The following PALS2 variants were observed in gnomAD, a reference collection of about 807,000 sequenced individuals.
The protein encoded by PALS2 is protein associated with LIN7 2, MAGUK p55 family member, also known as protein PALS2.
A neutral mutation model predicts 61.6 loss-of-function variants in PALS2; 27 were observed. That is an observed-to-expected ratio of 0.44 (90% CI 0.32 to 0.60). PALS2 has a LOEUF of 0.60. PALS2 is among the 20% of genes least tolerant of loss of function. The pLI, the probability that PALS2 is intolerant of heterozygous loss-of-function variation, is 0.05. For missense variants in PALS2, 554 were observed against 639.4 expected, an observed-to-expected ratio of 0.87 and a Z score of 1.44; for synonymous variants, 236 against 218.6, an observed-to-expected ratio of 1.08 and a Z score of -0.70.
rs1201505737 is a variant in PALS2, at chr7:24,618,237, C to T, written c.-2-5429C>T. 6.6e-6 allele frequency among the ~76,000 whole-genome samples: 1 copy of T among 152,164 alleles called. No individual in the cohort carries two copies. The highest frequency in any genetic ancestry group is 1.5e-5 in the Non-Finnish European group (1 of 68,034). On this transcript the variant is annotated intron_variant, in intron 1 of 11. Transcript: ENST00000222644. The surrounding 1 kb of genome is among the most constrained non-coding windows in gnomAD (Gnocchi z 5.1). ...AGGGCATACAGTGGTGTGACTGGCT[C>T]AAGGGTGGGTTCTCCCTGGATGTGT...
chr7:24,585,109 T>C (rs983662299), intron 1 of PALS2, among the ~76,000 whole-genome samples: 1 of 152,238 alleles, frequency 6.6e-6, no homozygotes, highest in Non-Finnish European at 1.5e-5. Flanking sequence ...TGCCTCCAGC[T>C]TTGTTCTTTT....
intron 8 of PALS2, among the ~76,000 whole-genome samples, 169 bp from the exon 9 acceptor site, chr7:24,668,330 T>A (rs1004177904): frequency 6.6e-6 from 1 of 152,110 alleles, no homozygotes; most frequent in Non-Finnish European, 1.5e-5. Flanking sequence ...AAAATAATTA[T>A]TATTTATTGT....
At position 24,679,231 on chromosome 7, in the gene PALS2, G is replaced by A. The variant is rs757373247; in HGVS notation, c.1215G>A (p.Leu405=). 6.2e-7 allele frequency: 1 copy of A among 1,613,976 alleles called. No homozygotes were observed. The highest frequency in any genetic ancestry group is 1.7e-5 in the Admixed American group (1 of 60,012). The change falls in exon 10 of 12, where the codon TTG becomes TTA. Residue 405 remains leucine (L), a synonymous_variant. Transcript: ENST00000222644. ...MEADIKAGKY[L]EHGEYEGNLY... ...CAGATATTAAAGCTGGAAAGTATTT[G>A]GAACATGGGGAATATGAAGGAAATC...
At chr7:24,662,738 C>T (rs1436005371) in intron 5 of PALS2, among the ~76,000 whole-genome samples, 2 of 140,458 alleles carry the variant, frequency 1.4e-5, no homozygotes, top group East Asian at 4.0e-4. Context: ...CACTGCACTC[C>T]AGCCTGGGTG....
intron 10 of PALS2, 147 bp downstream of exon 10, chr7:24,679,480 T>C: frequency 1.4e-6 from 1 of 718,220 alleles, no homozygotes; most frequent in Non-Finnish European, 2.3e-6. Flanking sequence ...TAGAGAATGT[T>C]ATTATGTATA....
chr7:24,633,645 ATTTTGGATTTTAGAT>A (rs1785107640), intron 2 of PALS2, among the ~76,000 whole-genome samples: 1 of 151,852 alleles, frequency 6.6e-6, no homozygotes, highest in African/African-American at 2.4e-5. Flanking sequence ...ATTTTGTAGC[ATTTTGGATTTTAGAT>A]TTTTGGATTG....
intron 2 of PALS2, among the ~76,000 whole-genome samples, chr7:24,634,728 G>A (rs1583913197): frequency 6.6e-6 from 1 of 152,014 alleles, no homozygotes; most frequent in South Asian, 2.1e-4. Flanking sequence ...TTTTGTATAC[G>A]ATATTACGTT....
rs544665771 is a variant in PALS2 at position 24,640,986 on chromosome 7, C to T, written c.118-730C>T. On this transcript the variant is annotated intron_variant, in intron 2 of 11. Transcript: ENST00000222644. ...TCGCGCCACTGCACTCCAGCCTGGG[C>T]AACAGTGCGAGACTCCATCTCAAAA... 8.6e-5 allele frequency among the ~76,000 whole-genome samples: 9 copies of T among 104,684 alleles called. No individual in the cohort carries two copies. The South Asian group carries it at 2.8e-3, about 32-fold the overall frequency. The allele number at this position is 104,684 out of a possible 152,430, so 68.7% of individuals were successfully genotyped here. A position where few individuals can be genotyped will look rare whatever the true frequency, so the allele number is the denominator to read the frequency against.
At chr7:24,639,136 A>G (rs1377284564) in intron 2 of PALS2, among the ~76,000 whole-genome samples, 1 of 152,240 alleles carries the variant, frequency 6.6e-6, no homozygotes, top group Admixed American at 6.5e-5. Flanking sequence ...ACTAAATTAG[A>G]CTGACTGAGA....
Position 24,618,996 on chromosome 7 carries a change from A to G in PALS2, c.-2-4670A>G, listed in dbSNP as rs1002298158. Among the ~76,000 whole-genome samples the G allele has an allele frequency of 4.6e-5, 7 of 152,198 alleles. No individual in the cohort carries two copies. Among genetic ancestry groups the G allele is most frequent in the Non-Finnish European group, 8.8e-5 (6 of 68,026 alleles). Reference sequence around the variant, plus strand: ...GATTAGACTAGCCAAGTATTTGTCTATTTAATTGGTCACTTGAAAAAGCCA... The same window carrying G: ...GATTAGACTAGCCAAGTATTTGTCTGTTTAATTGGTCACTTGAAAAAGCCA... On this transcript the variant is annotated intron_variant, in intron 1 of 11. Coordinates refer to ENST00000222644, the MANE Select transcript of PALS2 (RefSeq NM_001303037.2). The surrounding 1 kb of genome is among the most constrained non-coding windows in gnomAD (Gnocchi z 5.1).
intron 9 of PALS2, chr7:24,674,253 GAAGA>G (rs1787450114): frequency 6.5e-6 from 1 of 152,974 alleles, no homozygotes; most frequent in South Asian, 2.1e-4. Flanking sequence ...AAAAACCGAA[GAAGA>G]AATAGCAATT....
intron 1 of PALS2, among the ~76,000 whole-genome samples, chr7:24,614,507 CA>C (rs1234433937): frequency 6.6e-6 from 1 of 151,580 alleles, no homozygotes; most frequent in Non-Finnish European, 1.5e-5. Flanking sequence ...TGAAGAGAGA[CA>C]AGGACATTGT....
chr7:24,668,470 T>C (rs1406793620), intron 8 of PALS2, 29 bp from the exon 9 acceptor site: 1 of 1,592,792 alleles, frequency 6.3e-7, no homozygotes, highest in South Asian at 1.1e-5. Flanking sequence ...AAAAGTTGAC[T>C]TTGTATTCCC....
At position 24,692,171 on chromosome 7, in the gene PALS2, T is replaced by C. The variant is rs1372255739; in HGVS notation, c.*4557T>C. 6.6e-6 allele frequency: 1 copy of C among 152,184 alleles called. No homozygotes were observed. Among genetic ancestry groups the C allele is most frequent in the Non-Finnish European group, 1.5e-5 (1 of 68,010 alleles). 9.4% of individuals were successfully genotyped at this position (152,184 alleles called of 1,614,324 possible). A position where few individuals can be genotyped will look rare whatever the true frequency, so the allele number is the denominator to read the frequency against. On this transcript the variant is annotated 3_prime_UTR_variant, in exon 12 of 12. Coordinates refer to ENST00000222644, the MANE Select transcript of PALS2 (RefSeq NM_001303037.2). ...GAGATTCGAACATGAGTCCTTAATATACTAAACAGTGAAAGAATGATGATA... is the reference window on the plus strand; with the variant it reads ...GAGATTCGAACATGAGTCCTTAATACACTAAACAGTGAAAGAATGATGATA...
intron 1 of PALS2, among the ~76,000 whole-genome samples, chr7:24,617,935 G>A (rs1457120476): frequency 1.3e-5 from 2 of 152,204 alleles, no homozygotes; most frequent in African/African-American, 4.8e-5. Context: ...GGCCAGTCTA[G>A]GGGCATGTCT....
In PALS2 at chr7:24,650,503, G is replaced by A; in HGVS notation, c.442G>A (p.Glu148Lys). 1 of 1,601,676 alleles carries A rather than the reference G, an allele frequency of 6.2e-7. No individual in the cohort carries two copies. The highest frequency in any genetic ancestry group is 8.5e-7 in the Non-Finnish European group (1 of 1,176,276). Residue 148 changes from glutamate to lysine, a missense_variant, in exon 5 of 12, where the codon GAA becomes AAA. Transcript: ENST00000222644. ...TTCATAGGGTGTGACATTTAGGGTT[G>A]AAAATAATGATCTGGTAATTGCCCG... ...GEPLGVTFRV[E>K]NNDLVIARIL...
intron 1 of PALS2, chr7:24,589,516 T>C (rs1275049607): frequency 6.6e-6 from 1 of 152,160 alleles, no homozygotes; most frequent in Non-Finnish European, 1.5e-5. Context: ...TCTGGAGATA[T>C]TTTACCTAAG....
intron 1 of PALS2, among the ~76,000 whole-genome samples, chr7:24,612,392 A>G (rs550731324): frequency 3.7e-4 from 57 of 152,032 alleles, no homozygotes; most frequent in African/African-American, 1.2e-3. Flanking sequence ...TTTCCTAAAA[A>G]ATCATGTTGG....
At chr7:24,649,845 T>C (rs570536103) in intron 4 of PALS2, 81 bp downstream of exon 4, 6 of 1,294,022 alleles carry the variant, frequency 4.6e-6, no homozygotes, top group Non-Finnish European at 6.2e-6. Flanking sequence ...GTTTCATTTT[T>C]TTTCCTTTTC....
Sources: allele counts gnomAD v4.1 joint callset (sites outside exome capture counted in the v4.1 genomes callset), GRCh38; gene constraint gnomAD v4.1.1; non-coding constraint Gnocchi (gnomAD v3.1); transcripts MANE v1.5; gene names NCBI Gene and HGNC (gene_info 2026-07-23, HGNC 2026-07-21).